Variants in BCL11B observed in about 807,000 individuals in gnomAD.
The protein encoded by BCL11B is B-cell lymphoma/leukemia 11B.
In BCL11B, 8 loss-of-function variants were observed where a neutral mutation model predicts 49.9. The ratio of observed to expected loss-of-function variants is 0.16; its 90% CI spans 0.09 to 0.29. The LOEUF (loss-of-function observed/expected upper bound fraction) is 0.29. BCL11B is among the 10% of genes least tolerant of loss of function. BCL11B has a pLI of 1.00. For synonymous variants in BCL11B, 739 were observed against 637.4 expected (o/e 1.16, Z -2.40); for missense variants, 1,006 against 1,351.0 (o/e 0.74, Z 4.00).
chr14:99,173,745 T>C lies in BCL11B; in HGVS notation c.*406A>G, dbSNP rs1259058140. ...CCACCCCTCCCCCCAAATTATAATT[T>C]AAAAGATATGCTTCCCCTCTAACAT... On this transcript the variant is annotated 3_prime_UTR_variant, in exon 4 of 4. Coordinates refer to ENST00000357195, the MANE Select transcript of BCL11B (RefSeq NM_138576.4). 1 of 239,648 alleles carries C rather than the reference T, an allele frequency of 4.2e-6. No individual in the cohort carries two copies. The allele number at this position is 239,648 out of a possible 1,614,324, so 14.8% of individuals were successfully genotyped here.
Position 99,242,654 on chromosome 14 carries a change from C to T in BCL11B, c.428-11097G>A, listed in dbSNP as rs1412764245. Among the ~76,000 whole-genome samples, 3 of 152,198 alleles carry T rather than the reference C, an allele frequency of 2.0e-5. No homozygotes were observed. Among genetic ancestry groups the T allele is most frequent in the Non-Finnish European group, 4.4e-5 (3 of 68,038 alleles). ...TCTTGGCCCAGCCAGGGTGAACAAA[C>T]CAAATACATAAAGAAAGCTTCTGTA... On this transcript the variant is annotated intron_variant, in intron 2 of 3. Transcript: ENST00000357195. The surrounding 1 kb of genome is among the most constrained non-coding windows in gnomAD (Gnocchi z 4.4).
chr14:99,227,963 C>T (rs1350239482), intron 3 of BCL11B, among the ~76,000 whole-genome samples: 2 of 152,094 alleles, frequency 1.3e-5, no homozygotes, highest in African/African-American at 4.8e-5. Context: ...GGTTGGGGTC[C>T]CGGGAGGCAG....
At chr14:99,206,810 A>C (rs567361507) in intron 3 of BCL11B, among the ~76,000 whole-genome samples, 1 of 152,332 alleles carries the variant, frequency 6.6e-6, no homozygotes, top group Middle Eastern at 3.4e-3. Context: ...AACAGGGTTC[A>C]CTACTACCCG....
At chr14:99,203,754 C>T (rs2139825981) in intron 3 of BCL11B, among the ~76,000 whole-genome samples, 1 of 152,290 alleles carries the variant, frequency 6.6e-6, no homozygotes, top group East Asian at 1.9e-4. Flanking sequence ...GGGAGCCCCC[C>T]TACCCCCAAC....
At chr14:99,201,790 C>T (rs1183418318) in intron 3 of BCL11B, among the ~76,000 whole-genome samples, 2 of 152,216 alleles carry the variant, frequency 1.3e-5, no homozygotes, top group African/African-American at 2.4e-5. Context: ...GCTCACACTC[C>T]CTTGCAGAGC....
intron 3 of BCL11B, among the ~76,000 whole-genome samples, chr14:99,227,600 A>G (rs959004531): frequency 6.6e-6 from 1 of 151,912 alleles, no homozygotes; most frequent in Non-Finnish European, 1.5e-5. Context: ...CCCCATGCTC[A>G]CTCCACCCAC....
At chr14:99,218,617 C>G (rs948590286) in intron 3 of BCL11B, among the ~76,000 whole-genome samples, 4 of 152,158 alleles carry the variant, frequency 2.6e-5, no homozygotes, top group African/African-American at 4.8e-5. Flanking sequence ...TGGGGAATCC[C>G]CTGTAAGTGC....
At chr14:99,255,701 C>T (rs1003934064) in intron 2 of BCL11B, among the ~76,000 whole-genome samples, 1 of 152,144 alleles carries the variant, frequency 6.6e-6, no homozygotes, top group African/African-American at 2.4e-5. Context: ...GGCCAGGCGT[C>T]GATACTACAG....
chr14:99,193,312 T>TA (rs1367962890), intron 3 of BCL11B, among the ~76,000 whole-genome samples: 2 of 152,052 alleles, frequency 1.3e-5, no homozygotes, highest in African/African-American at 2.4e-5. Context: ...CATGTGATTA[T>TA]AAAAAAAATT....
At position 99,176,024 on chromosome 14, in the gene BCL11B, G is replaced by T; in HGVS notation, c.812C>A (p.Pro271Gln). ...GAGCGGGGACTGCGCCACGGCCTCC[G>T]GCCCGAGCGGCGGCGGGATGGTGAG... ...PRLTIPPPLG[P>Q]EAVAQSPLMN... is the part of the protein sequence containing the mutation. The change falls in exon 4 of 4, where the codon CCG becomes CAG. Residue 271 changes from proline (P) to glutamine (Q), a missense_variant. By Grantham distance (76) the Pro-to-Gln change is moderately conservative. Transcript: ENST00000357195. 6.3e-7 allele frequency: 1 copy of T among 1,578,300 alleles called. No individual in the cohort carries two copies. The highest frequency in any genetic ancestry group is 8.6e-7 in the Non-Finnish European group (1 of 1,162,272).
chr14:99,262,161 C>T lies in BCL11B; in HGVS notation c.59-4322G>A, dbSNP rs1298312405. Among the ~76,000 whole-genome samples the T allele has an allele frequency of 6.6e-6, 1 of 152,248 alleles. No homozygotes were observed. The highest frequency in any genetic ancestry group is 1.5e-5 in the Non-Finnish European group (1 of 68,044). Reference sequence around the variant, plus strand: ...CCAACAAGCCCCCAGCAGCTGCAAGCTTTCAGCAGGGCCTTACCTGGCCAG... The same window carrying T: ...CCAACAAGCCCCCAGCAGCTGCAAGTTTTCAGCAGGGCCTTACCTGGCCAG... On this transcript the variant is annotated intron_variant, in intron 1 of 3. Coordinates refer to ENST00000357195, the MANE Select transcript of BCL11B (RefSeq NM_138576.4). The surrounding 1 kb of genome is among the most constrained non-coding windows in gnomAD (Gnocchi z 4.2).
chr14:99,222,974 C>T lies in BCL11B; in HGVS notation c.640+8371G>A, dbSNP rs559719179. On this transcript the variant is annotated intron_variant, in intron 3 of 3. Coordinates refer to ENST00000357195, the MANE Select transcript of BCL11B (RefSeq NM_138576.4). ...CAACATTTTCAAGTTTCACAATGAG[C>T]GTTTGACATAAATAATCATTTAAAT... Among the ~76,000 whole-genome samples the T allele has an allele frequency of 8.8e-4, 133 of 151,984 alleles. 1 individual carries two copies. The highest frequency in any genetic ancestry group is 3.4e-3 in the Middle Eastern group (1 of 294).
At chr14:99,238,895 T>A (rs1024826836) in intron 2 of BCL11B, among the ~76,000 whole-genome samples, 4 of 152,180 alleles carry the variant, frequency 2.6e-5, no homozygotes, top group African/African-American at 9.7e-5. Flanking sequence ...TGGGCAGGCC[T>A]GAGGACAACA....
chr14:99,263,297 T>C (rs1889390249), intron 1 of BCL11B: 1 of 153,548 alleles, frequency 6.5e-6, no homozygotes, highest in Non-Finnish European at 1.5e-5. Flanking sequence ...TGAGGTCCTG[T>C]CTGCCCCTCC....
At chr14:99,255,528 A>C (rs1027188883) in intron 2 of BCL11B, among the ~76,000 whole-genome samples, 2 of 152,150 alleles carry the variant, frequency 1.3e-5, no homozygotes, top group Non-Finnish European at 2.9e-5. Context: ...TTTCTTAAAC[A>C]AACCTGCCAC....
chr14:99,243,424 A>G (rs2457444), intron 2 of BCL11B, among the ~76,000 whole-genome samples: 25,073 of 152,194 alleles, frequency 0.16, 2,653 homozygotes, highest in Non-Finnish European at 0.23. Flanking sequence ...GGACTGAACA[A>G]TAACAGTTCT....
At position 99,231,271 on chromosome 14, in the gene BCL11B, C is replaced by T. The variant is rs1205747563; in HGVS notation, c.640+74G>A. ...GCTGCCCTTCCTCCCTGGGTCCCCA[C>T]CTTGCTCCAGCGCTGCCCATGGCAC... On this transcript the variant is annotated intron_variant, in intron 3 of 3. Coordinates refer to ENST00000357195, the MANE Select transcript of BCL11B (RefSeq NM_138576.4). This position sits in a 1 kb window ranked among gnomAD's most constrained non-coding sequence, Gnocchi z 8.1. The T allele has an allele frequency of 1.0e-5, 15 of 1,503,654 alleles. No individual in the cohort carries two copies. The highest frequency in any genetic ancestry group is 1.3e-5 in the Non-Finnish European group (15 of 1,111,264). The allele number at this position is 1,503,654 out of a possible 1,614,324, so 93.1% of individuals were successfully genotyped here.
chr14:99,258,261 C>T (rs1012507221), intron 1 of BCL11B, among the ~76,000 whole-genome samples: 7 of 152,316 alleles, frequency 4.6e-5, no homozygotes, highest in African/African-American at 1.4e-4. Flanking sequence ...AATCCCAAGG[C>T]GCAGGCAGCA....
intron 3 of BCL11B, among the ~76,000 whole-genome samples, chr14:99,185,630 G>A (rs1278994346): frequency 1.3e-5 from 2 of 152,014 alleles, no homozygotes; most frequent in South Asian, 2.1e-4. Flanking sequence ...GGCAGGTCGG[G>A]GGAAATGGGA....
Sources: gnomAD v4.1 joint callset for allele counts (sites outside exome capture counted in the v4.1 genomes callset) on GRCh38, gnomAD v4.1.1 for gene constraint, Gnocchi (gnomAD v3.1) non-coding constraint, MANE v1.5 for transcripts, NCBI Gene and HGNC (gene_info 2026-07-23, HGNC 2026-07-21) for gene names.